UNC13C: variants seen among roughly 807,000 people sequenced by gnomAD.
The protein encoded by UNC13C is unc-13 homolog C, also known as protein unc-13 homolog C.
In UNC13C, 174 loss-of-function variants were observed where a neutral mutation model predicts 245.4. The ratio of observed to expected loss-of-function variants is 0.71; its 90% CI spans 0.63 to 0.80. UNC13C has a LOEUF of 0.80. UNC13C is among the 30% of genes least tolerant of loss of function. The probability of loss-of-function intolerance (pLI) is 0.00; values close to 1 mark genes in which losing one functional copy is unlikely to be tolerated. For synonymous variants in UNC13C, 992 were observed against 895.1 expected (o/e 1.11, Z -1.93); for missense variants, 2,829 against 2,602.9 (o/e 1.09, Z -1.89).
chr15:53,883,442 T>G, the UNC13C span, among the ~76,000 whole-genome samples: 9 of 152,194 alleles, frequency 5.9e-5, no homozygotes, highest in Non-Finnish European at 1.3e-4. Flanking sequence ...AAAAGATAAC[T>G]TTAAAGATAA....
chr15:54,010,924 A>T (rs1003862584), intron 1 of UNC13C, among the ~76,000 whole-genome samples: 1 of 152,080 alleles, frequency 6.6e-6, no homozygotes, highest in East Asian at 1.9e-4. Context: ...TAGGTTCTGG[A>T]TGGGGTTTAA....
At chr15:53,994,263 T>C (rs944931629) in intron 1 of UNC13C, among the ~76,000 whole-genome samples, 3 of 147,964 alleles carry the variant, frequency 2.0e-5, no homozygotes, top group African/African-American at 5.1e-5. Flanking sequence ...CCTATACTTA[T>C]ATGGAACGTA....
intron 17 of UNC13C, among the ~76,000 whole-genome samples, chr15:54,356,788 T>G (rs1438485088): frequency 1.3e-5 from 2 of 152,208 alleles, no homozygotes; most frequent in Non-Finnish European, 2.9e-5. Flanking sequence ...GTCATTGTCT[T>G]AATAGTTTTT....
At chr15:54,175,076 T>G (rs546758689) in intron 4 of UNC13C, among the ~76,000 whole-genome samples, 1 of 152,086 alleles carries the variant, frequency 6.6e-6, no homozygotes, top group Non-Finnish European at 1.5e-5. Context: ...CTTTCTCAAC[T>G]CCTTAATTCC....
chr15:54,371,692 C>A (rs1004581643), intron 17 of UNC13C, among the ~76,000 whole-genome samples: 2 of 146,834 alleles, frequency 1.4e-5, no homozygotes, highest in South Asian at 2.2e-4. Context: ...AAATAAAATA[C>A]CCCTTAATAA....
chr15:54,252,697 T>A (rs1427893379), intron 8 of UNC13C, among the ~76,000 whole-genome samples: 1 of 152,172 alleles, frequency 6.6e-6, no homozygotes, highest in Non-Finnish European at 1.5e-5. Flanking sequence ...GATAATTTCA[T>A]GAATGCCAAC....
At chr15:53,959,930 T>C in the UNC13C span, among the ~76,000 whole-genome samples, 5 of 152,154 alleles carry the variant, frequency 3.3e-5, no homozygotes, top group African/African-American at 4.8e-5. Context: ...AGAATTATTG[T>C]GGTATTTTAA....
At chr15:53,991,256 G>T (rs1317583199) in intron 1 of UNC13C, among the ~76,000 whole-genome samples, 1 of 151,960 alleles carries the variant, frequency 6.6e-6, no homozygotes, top group Non-Finnish European at 1.5e-5. Context: ...GAGTCTATAA[G>T]GTTAAATTGT....
At chr15:53,891,323 G>A in the UNC13C span, among the ~76,000 whole-genome samples, 1 of 152,176 alleles carries the variant, frequency 6.6e-6, no homozygotes, top group Non-Finnish European at 1.5e-5. Flanking sequence ...GAGGTGCTGA[G>A]AAGAATGTCT....
chr15:54,544,062 C>T (rs1039178559), intron 26 of UNC13C, among the ~76,000 whole-genome samples: 1 of 152,070 alleles, frequency 6.6e-6, no homozygotes, highest in African/African-American at 2.4e-5. Flanking sequence ...TACTGGAAAA[C>T]CAAATCCAGC....
At chr15:53,934,862 T>C in the UNC13C span, among the ~76,000 whole-genome samples, 1 of 152,118 alleles carries the variant, frequency 6.6e-6, no homozygotes. Context: ...AGGTTACTAA[T>C]CCCATTCATG....
chr15:54,224,849 T>C (rs773507580), intron 4 of UNC13C, among the ~76,000 whole-genome samples: 2 of 152,150 alleles, frequency 1.3e-5, no homozygotes, highest in Non-Finnish European at 2.9e-5. Context: ...GTTCAGGTCT[T>C]GAATCTCTTC....
intron 30 of UNC13C, among the ~76,000 whole-genome samples, chr15:54,604,303 G>A (rs1899629962): frequency 6.6e-6 from 1 of 152,120 alleles, no homozygotes; most frequent in Non-Finnish European, 1.5e-5. Context: ...AATATGTTTA[G>A]TTGTGCATCT....
the UNC13C span, among the ~76,000 whole-genome samples, chr15:53,841,292 C>T: frequency 6.6e-6 from 1 of 152,258 alleles, no homozygotes; most frequent in South Asian, 2.1e-4. Context: ...TCCAGAGTCT[C>T]TGCTTTCCCC....
intron 2 of UNC13C, among the ~76,000 whole-genome samples, chr15:54,101,206 G>C (rs184964404): frequency 6.6e-6 from 1 of 151,618 alleles, no homozygotes; most frequent in Non-Finnish European, 1.5e-5. Context: ...TTCTATCATG[G>C]TTCCTTTTTT....
intron 10 of UNC13C, among the ~76,000 whole-genome samples, chr15:54,287,930 A>T (rs2037190997): frequency 6.6e-6 from 1 of 152,194 alleles, no homozygotes; most frequent in Non-Finnish European, 1.5e-5. Flanking sequence ...TAAAAATTAT[A>T]TTCAGTTACT....
At chr15:53,908,735 GAA>G in the UNC13C span, among the ~76,000 whole-genome samples, 3 of 81,068 alleles carry the variant, frequency 3.7e-5, no homozygotes, top group African/African-American at 1.7e-4. Flanking sequence ...CTGGGTGACA[GAA>G]TGAGAACCTT....
intron 2 of UNC13C, chr15:54,050,535 A>G: frequency 4.2e-6 from 2 of 476,292 alleles, no homozygotes; most frequent in Non-Finnish European, 8.4e-6. Flanking sequence ...TTGCTTCATC[A>G]TTCTATCTTC....
intron 4 of UNC13C, among the ~76,000 whole-genome samples, chr15:54,176,280 T>C (rs1897051): frequency 0.14 from 21,572 of 152,068 alleles, 2,866 homozygotes; most frequent in African/African-American, 0.34. Context: ...CTCTAAATCA[T>C]ATTGTGGACC....
Sources: gnomAD v4.1 joint callset for allele counts (sites outside exome capture counted in the v4.1 genomes callset) on GRCh38, gnomAD v4.1.1 for gene constraint, MANE v1.5 for transcripts, NCBI Gene and HGNC (gene_info 2026-07-23, HGNC 2026-07-21) for gene names.